Variants in JMJD1C observed in about 807,000 individuals in gnomAD.
JMJD1C encodes jumonji domain-containing protein 1C.
In JMJD1C, 31 loss-of-function variants were observed where a neutral mutation model predicts 245.3. The ratio of observed to expected loss-of-function variants is 0.13; its 90% CI spans 0.09 to 0.17. JMJD1C has a LOEUF of 0.17. JMJD1C is among the 10% of genes least tolerant of loss of function. JMJD1C has a pLI of 1.00. For missense variants in JMJD1C, 2,691 were observed against 3,000.2 expected (o/e 0.90, Z 2.41); for synonymous variants, 1,057 against 1,017.4 (o/e 1.04, Z -0.74).
chr10:63,273,708 G>C (rs1464166130), intron 2 of JMJD1C, among the ~76,000 whole-genome samples: 1 of 152,146 alleles, frequency 6.6e-6, no homozygotes, highest in South Asian at 2.1e-4. Context: ...CCAGGCTAGG[G>C]GAAGAGGAAA....
chr10:63,262,296 T>C (rs1371057326), intron 3 of JMJD1C, among the ~76,000 whole-genome samples: 2 of 152,268 alleles, frequency 1.3e-5, no homozygotes, highest in Non-Finnish European at 2.9e-5. Flanking sequence ...TAAATTTTTT[T>C]TTCTTCTTTC....
intron 25 of JMJD1C, 36 bp downstream of exon 25, chr10:63,168,399 G>A: frequency 6.4e-7 from 1 of 1,566,304 alleles, no homozygotes; most frequent in Non-Finnish European, 8.6e-7. Flanking sequence ...AATATAAAAA[G>A]CCTGAAGAAC....
chr10:63,184,844 A>G (rs2132903172), intron 20 of JMJD1C, 106 bp from the exon 21 acceptor site: 15 of 1,019,138 alleles, frequency 1.5e-5, no homozygotes, highest in Non-Finnish European at 2.1e-5. Context: ...ACCTTTCCAT[A>G]AGACAGGTAA....
rs1324190505 is a variant in JMJD1C at position 63,227,373 on chromosome 10, AAACC to A, written c.448-7394_448-7391del. On this transcript the variant is annotated intron_variant, in intron 3 of 25. Coordinates refer to ENST00000399262, the MANE Select transcript of JMJD1C (RefSeq NM_032776.3). ...ATAGTCTCATTTGACTGCTGACAAA[AAACC>A]AACAAAGGGTGGTTAGTTTCTAAGT... 3.2e-4 allele frequency among the ~76,000 whole-genome samples: 49 copies of A among 152,208 alleles called. 2 individuals are homozygous for A. The highest frequency in any genetic ancestry group is 2.6e-3 in the Admixed American group (39 of 15,288).
chr10:63,186,834 C>T lies in JMJD1C; in HGVS notation c.6571-451G>A, dbSNP rs1354375525. On this transcript the variant is annotated intron_variant, in intron 18 of 25. Coordinates refer to ENST00000399262, the MANE Select transcript of JMJD1C (RefSeq NM_032776.3). ...CAGGTTTTAAACAAATTCCTGTACT[C>T]TAATGAAGCAGAATTCTGGAATATA... is the stretch of plus-strand genomic sequence containing the variant. Among the ~76,000 whole-genome samples the T allele has an allele frequency of 2.6e-5, 4 of 152,290 alleles. No homozygotes were observed. The East Asian group carries it at 7.7e-4, about 29-fold the overall frequency.
At chr10:63,337,624 A>AAAGAAAAGAAAAGAAAAGAAAAGAAAAAG in intron 2 of JMJD1C, among the ~76,000 whole-genome samples, 1 of 60,194 alleles carries the variant, frequency 1.7e-5, no homozygotes, top group Non-Finnish European at 3.3e-5. Context: ...AAAAGAAAAG[A>AAAGAAAAGAAAAGAAAAGAAAAGAAAAAG]AAAAGAAAAG....
rs145365342 is a variant in JMJD1C at position 63,205,735 on chromosome 10, G to T, written c.5074+860C>A. 3.3e-5 allele frequency among the ~76,000 whole-genome samples: 5 copies of T among 152,294 alleles called. No individual in the cohort carries two copies. The East Asian group carries it at 9.6e-4, about 29-fold the overall frequency. ...ATACTGTAGATAATTGTAACACAAAGTATTTACGTATCTGAACAAAGAAAG... is the reference window on the plus strand; with the variant it reads ...ATACTGTAGATAATTGTAACACAAATTATTTACGTATCTGAACAAAGAAAG... On this transcript the variant is annotated intron_variant, in intron 10 of 25. Coordinates refer to ENST00000399262, the MANE Select transcript of JMJD1C (RefSeq NM_032776.3).
intron 2 of JMJD1C, among the ~76,000 whole-genome samples, chr10:63,336,715 A>G (rs956126822): frequency 4.6e-5 from 7 of 152,138 alleles, no homozygotes; most frequent in African/African-American, 9.7e-5. Context: ...CACAAATCCT[A>G]TATTAGAAAA....
At chr10:63,450,349 CAGCAGCATTATTACCAT>C (rs1240410084) in intron 1 of JMJD1C, among the ~76,000 whole-genome samples, 7 of 151,984 alleles carry the variant, frequency 4.6e-5, no homozygotes, top group East Asian at 1.9e-4. Context: ...CTGATGTTCA[CAGCAGCATTATTACCAT>C]AGCAGCATTA....
At chr10:63,203,528 C>T (rs1846257857) in intron 10 of JMJD1C, 5 of 973,998 alleles carry the variant, frequency 5.1e-6, no homozygotes, top group Non-Finnish European at 6.1e-6. Context: ...GATCATAAAC[C>T]ACTGGTTTTG....
At chr10:63,434,856 C>T (rs769427968) in intron 1 of JMJD1C, among the ~76,000 whole-genome samples, 2 of 152,204 alleles carry the variant, frequency 1.3e-5, no homozygotes, top group Non-Finnish European at 2.9e-5. Context: ...CTGTTCCCAA[C>T]AGTTGGAGTG....
At chr10:63,290,845 G>A (rs183087092) in intron 2 of JMJD1C, among the ~76,000 whole-genome samples, 8 of 152,002 alleles carry the variant, frequency 5.3e-5, no homozygotes, top group Admixed American at 3.3e-4. Context: ...CATGAAGAAA[G>A]TAACGACAAG....
chr10:63,188,097 G>T (rs943972893), intron 18 of JMJD1C, among the ~76,000 whole-genome samples: 3 of 152,138 alleles, frequency 2.0e-5, no homozygotes, highest in Non-Finnish European at 4.4e-5. Context: ...ATTTAGACTA[G>T]CCTTTTTGAA....
At chr10:63,249,553 A>G (rs1157526488) in intron 3 of JMJD1C, among the ~76,000 whole-genome samples, 1 of 152,156 alleles carries the variant, frequency 6.6e-6, no homozygotes, top group Non-Finnish European at 1.5e-5. Context: ...TAATTTGTTT[A>G]TGGCATAAAG....
intron 1 of JMJD1C, among the ~76,000 whole-genome samples, chr10:63,453,771 C>T (rs574251774): frequency 4.6e-5 from 7 of 152,152 alleles, no homozygotes; most frequent in Non-Finnish European, 8.8e-5. Context: ...TAGAGTCTCG[C>T]TCTGTTGCCC....
At chr10:63,322,904 TAA>T (rs1174100677) in intron 2 of JMJD1C, among the ~76,000 whole-genome samples, 1 of 151,340 alleles carries the variant, frequency 6.6e-6, no homozygotes, top group African/African-American at 2.4e-5. Context: ...TTAATGTAAT[TAA>T]TATATATTGA....
At chr10:63,228,975 T>C (rs1849642142) in intron 3 of JMJD1C, among the ~76,000 whole-genome samples, 1 of 152,140 alleles carries the variant, frequency 6.6e-6, no homozygotes, top group South Asian at 2.1e-4. Flanking sequence ...TCAATGACTA[T>C]TACATTCAGA....
intron 1 of JMJD1C, among the ~76,000 whole-genome samples, chr10:63,399,850 A>G (rs1038512395): frequency 2.0e-5 from 3 of 152,008 alleles, no homozygotes; most frequent in African/African-American, 7.2e-5. Flanking sequence ...TCACATCTAG[A>G]AAACAAGGTA....
intron 1 of JMJD1C, among the ~76,000 whole-genome samples, chr10:63,381,000 G>C (rs961696827): frequency 6.6e-6 from 1 of 152,174 alleles, no homozygotes. Flanking sequence ...TAAGAGCCAC[G>C]ATAATGAAAT....
Sources: allele counts gnomAD v4.1 joint callset (sites outside exome capture counted in the v4.1 genomes callset), GRCh38; gene constraint gnomAD v4.1.1; transcripts MANE v1.5; gene names NCBI Gene and HGNC (gene_info 2026-07-23, HGNC 2026-07-21).